Variants in ETV4 observed in about 807,000 individuals in gnomAD.
The protein encoded by ETV4 is ETS variant transcription factor 4, also known as ETS translocation variant 4.
Under a neutral mutation model 65.9 loss-of-function variants are expected in ETV4, and 42 were observed. The ratio of observed to expected loss-of-function variants is 0.64; its 90% CI spans 0.50 to 0.82. The LOEUF (loss-of-function observed/expected upper bound fraction) is 0.82. ETV4 is among the 40% of genes least tolerant of loss of function. The pLI is 0.00. For synonymous variants in ETV4, 238 were observed against 260.0 expected (o/e 0.92, Z 0.81); for missense variants, 583 against 630.3 (o/e 0.92, Z 0.80).
intron 5 of ETV4, 47 bp downstream of exon 5, chr17:43,536,379 T>C (rs1971243769): frequency 8.4e-6 from 13 of 1,540,566 alleles, no homozygotes; most frequent in Non-Finnish European, 1.2e-5. Flanking sequence ...ACTCACTTCC[T>C]GCCATCCTCC....
rs34640745 is a variant in ETV4, at chr17:43,545,194, CGTGTGTGTGTGTGT to C, written c.154+66_154+79del. ...AACAGGCGGGGGTTCCAGAATCGGC[CGTGTGTGTGTGTGT>C]GTGTGTGTGTGTGTGTGTGTGTGTG... is the stretch of plus-strand genomic sequence containing the variant. On this transcript the variant is annotated intron_variant, in intron 3 of 12. Transcript: ENST00000319349. 2.8e-3 allele frequency: 1,798 copies of C among 636,802 alleles called. 5 individuals are homozygous for C. Among genetic ancestry groups the C allele is most frequent in the Middle Eastern group, 3.4e-3 (9 of 2,654 alleles). The allele number at this position is 636,802 out of a possible 1,614,324, so 39.4% of individuals were successfully genotyped here.
chr17:43,533,387 A>G, intron 6 of ETV4, 39 bp from the exon 7 acceptor site: 1 of 1,578,686 alleles, frequency 6.3e-7, no homozygotes, highest in Non-Finnish European at 8.7e-7. Context: ...GGGGCAGAGA[A>G]GCTGGAAAGC....
intron 2 of ETV4, 75 bp downstream of exon 2, chr17:43,545,483 C>CG: frequency 1.6e-6 from 1 of 641,754 alleles, no homozygotes; most frequent in South Asian, 3.2e-5. Flanking sequence ...GCTGGGACTG[C>CG]GGGGAGGGGG....
intron 4 of ETV4, among the ~76,000 whole-genome samples, chr17:43,542,050 C>T (rs1971550293): frequency 6.6e-6 from 1 of 152,180 alleles, no homozygotes. Flanking sequence ...GCATGCCCTC[C>T]ACACATGGGG....
chr17:43,534,362 C>T (rs1310137602), intron 5 of ETV4, among the ~76,000 whole-genome samples: 1 of 151,892 alleles, frequency 6.6e-6, no homozygotes, highest in African/African-American at 2.4e-5. Context: ...GGGATGGTGG[C>T]GGATGCCTGT....
At chr17:43,545,848 A>G (rs565275846) in intron 1 of ETV4, 180 bp from the exon 2 acceptor site, 47 of 593,412 alleles carry the variant, frequency 7.9e-5, no homozygotes, top group African/African-American at 7.3e-4. Context: ...CCAAAGGCCA[A>G]AGGAGGTCCC....
At chr17:43,545,226 TGTGTGTGTGGC>T in intron 3 of ETV4, 37 bp downstream of exon 3, 1 of 1,150,844 alleles carries the variant, frequency 8.7e-7, no homozygotes, top group African/African-American at 1.5e-5. Flanking sequence ...TGTGTGTGTG[TGTGTGTGTGGC>T]GGAGGAGGGT....
At chr17:43,535,077 G>A (rs1002450978) in intron 5 of ETV4, among the ~76,000 whole-genome samples, 5 of 152,144 alleles carry the variant, frequency 3.3e-5, no homozygotes, top group African/African-American at 4.8e-5. Flanking sequence ...TGGCCCCTGC[G>A]GGGTTCCCAA....
chr17:43,530,995 C>A (rs1354760162), intron 8 of ETV4, among the ~76,000 whole-genome samples: 1 of 152,166 alleles, frequency 6.6e-6, no homozygotes, highest in Non-Finnish European at 1.5e-5. Flanking sequence ...GTAACACAAT[C>A]CCCTCCGGTC....
In ETV4 at chr17:43,528,490, C is replaced by G. The variant is rs1394922214; in HGVS notation, c.*29G>C. ...TTATATGTACACAGGGCAGCACCCA[C>G]CTGCGGCAGGGGGAACAGCCGCTGG... On this transcript the variant is annotated 3_prime_UTR_variant, in exon 13 of 13. Coordinates refer to ENST00000319349, the MANE Select transcript of ETV4 (RefSeq NM_001079675.5). The G allele has an allele frequency of 6.7e-7, 1 of 1,499,514 alleles. No individual in the cohort carries two copies. The highest frequency in any genetic ancestry group is 9.2e-7 in the Non-Finnish European group (1 of 1,092,098). The allele number at this position is 1,499,514 out of a possible 1,614,324, so 92.9% of individuals were successfully genotyped here.
rs370565756 is a variant in ETV4, at chr17:43,544,741, C to G, written c.202+234G>C. ...CCCACACAATGGTCTGATTCATCCTCAAGCCTAGTTACACAAGCCTGGCTC... is the reference window on the plus strand; with the variant it reads ...CCCACACAATGGTCTGATTCATCCTGAAGCCTAGTTACACAAGCCTGGCTC... On this transcript the variant is annotated intron_variant, in intron 4 of 12. Transcript: ENST00000319349. 35 of 483,466 alleles carry G rather than the reference C, an allele frequency of 7.2e-5. No individual in the cohort carries two copies. The East Asian group carries it at 8.2e-4, about 11-fold the overall frequency. The allele number at this position is 483,466 out of a possible 1,614,324, so 29.9% of individuals were successfully genotyped here. A position where few individuals can be genotyped will look rare whatever the true frequency, so the allele number is the denominator to read the frequency against.
Position 43,545,672 on chromosome 17 carries a change from G to C in ETV4, c.-51-4C>G. The C allele has an allele frequency of 2.7e-6, 4 of 1,481,170 alleles. No individual in the cohort carries two copies. Among genetic ancestry groups the C allele is most frequent in the African/African-American group, 2.8e-5 (2 of 71,908 alleles). 91.8% of individuals were successfully genotyped at this position (1,481,170 alleles called of 1,614,324 possible). A position where few individuals can be genotyped will look rare whatever the true frequency, so the allele number is the denominator to read the frequency against. On this transcript the variant is annotated splice_region_variant and splice_polypyrimidine_tract_variant and intron_variant, in intron 1 of 12. Transcript: ENST00000319349. ...GGCCCCAAGCGGGGGCCGAGACCTGGTGGGGGAGGGGGCTGCGTTCGCACA... is the reference window on the plus strand; with the variant it reads ...GGCCCCAAGCGGGGGCCGAGACCTGCTGGGGGAGGGGGCTGCGTTCGCACA...
Position 43,545,679 on chromosome 17 carries a change from AG to A in ETV4, c.-51-12del. 7.9e-7 allele frequency: 1 copy of A among 1,268,502 alleles called. No homozygotes were observed. The highest frequency in any genetic ancestry group is 1.1e-6 in the Non-Finnish European group (1 of 928,068). 78.6% of individuals were successfully genotyped at this position (1,268,502 alleles called of 1,614,324 possible). On this transcript the variant is annotated splice_polypyrimidine_tract_variant and intron_variant, in intron 1 of 12. Transcript: ENST00000319349. ...AGCGGGGGCCGAGACCTGGTGGGGG[AG>A]GGGGCTGCGTTCGCACACCGTCCAG... is the stretch of plus-strand genomic sequence containing the variant.
In ETV4 at chr17:43,544,978, C is replaced by G; in HGVS notation, c.199G>C (p.Glu67Gln). 6.2e-7 allele frequency: 1 copy of G among 1,613,996 alleles called. No homozygotes were observed. The highest frequency in any genetic ancestry group is 8.5e-7 in the Non-Finnish European group (1 of 1,179,984). ...AAAAGGTCACAAAACTACTCACCTT[C>G]AGCGAGCCACGTCTCCTGGAAGTGA... The part of the protein sequence containing the change: ...LSHFQETWLA[E>Q]AQVPDSDEQF... Residue 67 changes from glutamate (E) to glutamine (Q), a missense_variant, in exon 4 of 13, where the codon GAA (glutamate) becomes CAA (glutamine). By Grantham distance (29) the Glu-to-Gln change is conservative. Coordinates refer to ENST00000319349, the MANE Select transcript of ETV4 (RefSeq NM_001079675.5).
At chr17:43,540,628 A>G (rs1971472936) in intron 4 of ETV4, among the ~76,000 whole-genome samples, 1 of 152,140 alleles carries the variant, frequency 6.6e-6, no homozygotes, top group African/African-American at 2.4e-5. Context: ...TGCAGCCTCT[A>G]ACTCCTGGGC....
chr17:43,535,438 C>T (rs773543098), intron 5 of ETV4, among the ~76,000 whole-genome samples: 15 of 152,080 alleles, frequency 9.9e-5, no homozygotes, highest in Non-Finnish European at 1.5e-4. Flanking sequence ...CCACCATGCC[C>T]GGCTAATTTT....
At chr17:43,545,821 C>T (rs1204493271) in intron 1 of ETV4, 153 bp from the exon 2 acceptor site, 4 of 604,564 alleles carry the variant, frequency 6.6e-6, no homozygotes, top group African/African-American at 5.6e-5. Flanking sequence ...CCGAGCGCCA[C>T]CACCACTCCC....
rs892479186 is a variant in ETV4, at chr17:43,545,604, A to G, written c.14T>C (p.Met5Thr). The G allele has an allele frequency of 1.9e-6, 3 of 1,550,582 alleles. No homozygotes were observed. The highest frequency in any genetic ancestry group is 2.7e-5 in the African/African-American group (2 of 72,830). MERR[M>T]KAGYLDQQVP... ...TTGCTGGTCCAAGTATCCGGCTTTC[A>G]TCCTCCGCTCCATCCGGCCGCTCCC... Residue 5 changes from methionine (M) to threonine (T), a missense_variant, in exon 2 of 13, where the codon ATG becomes ACG. Physicochemically the swap from Met to Thr is moderately conservative, Grantham distance 81. Coordinates refer to ENST00000319349, the MANE Select transcript of ETV4 (RefSeq NM_001079675.5).
chr17:43,537,983 AGCCG>A (rs907730451), intron 4 of ETV4, among the ~76,000 whole-genome samples: 1 of 152,086 alleles, frequency 6.6e-6, no homozygotes, highest in African/African-American at 2.4e-5. Flanking sequence ...AAAAAAAATT[AGCCG>A]GGTGTGGTGG....
Sources: allele counts gnomAD v4.1 joint callset (sites outside exome capture counted in the v4.1 genomes callset), GRCh38; gene constraint gnomAD v4.1.1; transcripts MANE v1.5; gene names NCBI Gene and HGNC (gene_info 2026-07-23, HGNC 2026-07-21).